Variants in ACAP1 observed in about 807,000 individuals in gnomAD.
The protein encoded by ACAP1 is arf-GAP with coiled-coil, ANK repeat and PH domain-containing protein 1.
In ACAP1, 45 loss-of-function variants were observed where a neutral mutation model predicts 98.8. The ratio of observed to expected loss-of-function variants is 0.46; its 90% CI spans 0.36 to 0.58. The LOEUF is 0.58. Ranked by LOEUF, ACAP1 falls within the 20% of genes least tolerant of loss-of-function variation. The pLI, the probability that ACAP1 is intolerant of heterozygous loss-of-function variation, is 0.00. For synonymous variants in ACAP1, 362 were observed against 375.3 expected (o/e 0.96, Z 0.41); for missense variants, 735 against 971.4 (o/e 0.76, Z 3.24).
At position 7,336,883 on chromosome 17, in the gene ACAP1, C is replaced by T. The variant is rs1597645963; in HGVS notation, c.53+96C>T. On this transcript the variant is annotated intron_variant, in intron 1 of 21. Transcript: ENST00000158762. The stretch of plus-strand genomic sequence containing the variant: ...CCAGGCCAGGTCTCCTTCCAGGGAG[C>T]AGGCCTCTAAGAGGCAGGAGCGAGC... 8 of 1,401,964 alleles carry T rather than the reference C, an allele frequency of 5.7e-6. 1 individual carries two copies. In the East Asian group the frequency reaches 1.9e-4, roughly 33 times the overall value. The allele number at this position is 1,401,964 out of a possible 1,614,324, so 86.8% of individuals were successfully genotyped here.
At chr17:7,336,995 T>C (rs2073226935) in intron 1 of ACAP1, among the ~76,000 whole-genome samples, 2 of 151,924 alleles carry the variant, frequency 1.3e-5, no homozygotes, top group Admixed American at 1.3e-4. Context: ...CTCTGCAGTT[T>C]CCCTCACCCC....
intron 17 of ACAP1, 199 bp downstream of exon 17, chr17:7,348,674 G>C: frequency 1.6e-6 from 1 of 626,408 alleles, no homozygotes; most frequent in South Asian, 2.6e-5. Flanking sequence ...GGCAGGGAGG[G>C]TAAGGGGTGC....
Position 7,350,016 on chromosome 17 carries a change from G to C in ACAP1, c.1923G>C (p.Arg641=). 2 of 1,613,558 alleles carry C rather than the reference G, an allele frequency of 1.2e-6. No individual in the cohort carries two copies. The highest frequency in any genetic ancestry group is 1.1e-5 in the South Asian group (1 of 91,064). The change falls in exon 19 of 22, where the codon CGG becomes CGC. Residue 641 remains arginine (R), a synonymous_variant. Transcript: ENST00000158762. This position sits in a 1 kb window ranked among gnomAD's most constrained non-coding sequence, Gnocchi z 4.6. Reference sequence around the variant, plus strand: ...TGAACCAAGCGGACAGTGCGGGCCGGGGCCCGCTGCACCACGCAACCATTC... The same window carrying C: ...TGAACCAAGCGGACAGTGCGGGCCGCGGCCCGCTGCACCACGCAACCATTC... ...ANVNQADSAG[R]GPLHHATILG...
At chr17:7,348,838 C>A in intron 17 of ACAP1, 157 bp from the exon 18 acceptor site, 1 of 699,036 alleles carries the variant, frequency 1.4e-6, no homozygotes, top group South Asian at 1.9e-5. Context: ...CGCATACTTA[C>A]ACATACCCAC....
chr17:7,339,566 C>T (rs1158004993), intron 2 of ACAP1, among the ~76,000 whole-genome samples: 4 of 151,868 alleles, frequency 2.6e-5, no homozygotes, highest in African/African-American at 7.3e-5. Context: ...GCCGAGATCA[C>T]GCCACCACAC....
rs756096201 is a variant in ACAP1 at position 7,349,038 on chromosome 17, ACTGTTTCGAGCGT to A, written c.1726_1738del (p.Phe576GlyfsTer32). 1 of 1,613,704 alleles carries A rather than the reference ACTGTTTCGAGCGT, an allele frequency of 6.2e-7. No homozygotes were observed. Among genetic ancestry groups the A allele is most frequent in the Non-Finnish European group, 8.5e-7 (1 of 1,179,934 alleles). On this transcript the variant is annotated frameshift_variant, in exon 18 of 22. Coordinates refer to ENST00000158762, the MANE Select transcript of ACAP1 (RefSeq NM_014716.4). LOFTEE classifies it high-confidence loss of function. ...TGGGAAGCCTGCACCCTGGGGCCCT[ACTGTTTCGAGCGT>A]CTGGGCATCCTCCATCTCTTCCCAC...
At chr17:7,339,195 CAGG>C (rs767018157) in intron 2 of ACAP1, among the ~76,000 whole-genome samples, 6 of 152,030 alleles carry the variant, frequency 3.9e-5, no homozygotes, top group East Asian at 1.9e-4. Context: ...GAGGCTGAGG[CAGG>C]AGAATGGCGC....
At chr17:7,346,585 C>T in intron 12 of ACAP1, 94 bp downstream of exon 12, 1 of 1,261,736 alleles carries the variant, frequency 7.9e-7, no homozygotes, top group South Asian at 1.4e-5. Flanking sequence ...CCCCATGCAG[C>T]TCCAGACTTT....
At position 7,344,466 on chromosome 17, in the gene ACAP1, G is replaced by A. The variant is rs920491883; in HGVS notation, c.745-73G>A. The A allele has an allele frequency of 2.1e-5, 23 of 1,073,186 alleles. No individual in the cohort carries two copies. The African/African-American group carries it at 2.9e-4, about 13-fold the overall frequency. The allele number at this position is 1,073,186 out of a possible 1,614,324, so 66.5% of individuals were successfully genotyped here. A position where few individuals can be genotyped will look rare whatever the true frequency, so the allele number is the denominator to read the frequency against. On this transcript the variant is annotated intron_variant, in intron 9 of 21. Coordinates refer to ENST00000158762, the MANE Select transcript of ACAP1 (RefSeq NM_014716.4). The surrounding 1 kb of genome is among the most constrained non-coding windows in gnomAD (Gnocchi z 4.9). The stretch of plus-strand genomic sequence containing the variant: ...AGCAGAAAGTAAGGGCTAGGGCTGT[G>A]GGCAGGAGGCAGATGCCTATGGCCT...
chr17:7,350,057 A>G lies in ACAP1; in HGVS notation c.1961+3A>G. 1 of 1,613,384 alleles carries G rather than the reference A, an allele frequency of 6.2e-7. No individual in the cohort carries two copies. ...GCAACCATTCTTGGCCACACGGGGT[A>G]GGGATGATGGCATGGGGAGGAAGGC... On this transcript the variant is annotated splice_donor_region_variant and intron_variant, in intron 19 of 21. Transcript: ENST00000158762. This position sits in a 1 kb window ranked among gnomAD's most constrained non-coding sequence, Gnocchi z 4.6.
At chr17:7,338,702 C>CT (rs1255414697) in intron 2 of ACAP1, among the ~76,000 whole-genome samples, 1 of 151,790 alleles carries the variant, frequency 6.6e-6, no homozygotes, top group Non-Finnish European at 1.5e-5. Context: ...CCACGCCTGG[C>CT]TTTTTTAAAT....
chr17:7,338,739 G>T (rs545202515), intron 2 of ACAP1, among the ~76,000 whole-genome samples: 1 of 150,380 alleles, frequency 6.6e-6, no homozygotes, highest in East Asian at 2.0e-4. Flanking sequence ...TAGAGATGGG[G>T]TCTCCCTATG....
intron 5 of ACAP1, chr17:7,342,729 A>G: frequency 1.9e-6 from 1 of 536,640 alleles, no homozygotes; most frequent in Non-Finnish European, 3.3e-6. Flanking sequence ...GCAAAACCCC[A>G]GCTCTACTAA....
chr17:7,343,646 A>G lies in ACAP1; in HGVS notation c.529-60A>G. 1 of 1,599,268 alleles carries G rather than the reference A, an allele frequency of 6.3e-7. No individual in the cohort carries two copies. Among genetic ancestry groups the G allele is most frequent in the Non-Finnish European group, 8.5e-7 (1 of 1,170,518 alleles). On this transcript the variant is annotated intron_variant, in intron 6 of 21. Transcript: ENST00000158762. This position sits in a 1 kb window ranked among gnomAD's most constrained non-coding sequence, Gnocchi z 4.9. ...TGGGGGTCTCCAGTGTGCAGTGGGAAGGGGTGCTGTGTCTTCAAGACTGAT... is the reference window on the plus strand; with the variant it reads ...TGGGGGTCTCCAGTGTGCAGTGGGAGGGGGTGCTGTGTCTTCAAGACTGAT...
chr17:7,336,598 G>A lies in ACAP1; in HGVS notation c.-137G>A. The A allele has an allele frequency of 1.2e-6, 1 of 840,960 alleles. No homozygotes were observed. The highest frequency in any genetic ancestry group is 1.4e-5 in the South Asian group (1 of 69,682). The allele number at this position is 840,960 out of a possible 1,614,324, so 52.1% of individuals were successfully genotyped here. Reference sequence around the variant, plus strand: ...CCTTTCCCCTTGGGGAAAGAATTGTGCCCCCAGGCCCTTCCCCGCGGAGGT... The same window carrying A: ...CCTTTCCCCTTGGGGAAAGAATTGTACCCCCAGGCCCTTCCCCGCGGAGGT... On this transcript the variant is annotated 5_prime_UTR_variant, in exon 1 of 22. Coordinates refer to ENST00000158762, the MANE Select transcript of ACAP1 (RefSeq NM_014716.4).
chr17:7,351,196 A>G, intron 21 of ACAP1, 99 bp from the exon 22 acceptor site: 1 of 1,181,400 alleles, frequency 8.5e-7, no homozygotes, highest in Non-Finnish European at 1.2e-6. Context: ...GTTCCCACCC[A>G]GGCTCGGAGC....
At chr17:7,337,113 T>A in intron 1 of ACAP1, 199 bp from the exon 2 acceptor site, 1 of 651,806 alleles carries the variant, frequency 1.5e-6, no homozygotes, top group Admixed American at 2.7e-5. Context: ...ACCCTCCTTC[T>A]ACCCTTCCTG....
In ACAP1 at chr17:7,343,630, C is replaced by G; in HGVS notation, c.528+68C>G. On this transcript the variant is annotated intron_variant, in intron 6 of 21. Coordinates refer to ENST00000158762, the MANE Select transcript of ACAP1 (RefSeq NM_014716.4). This position sits in a 1 kb window ranked among gnomAD's most constrained non-coding sequence, Gnocchi z 4.9. ...GTGTCACCTCGAGGCTTGGGGGTCT[C>G]CAGTGTGCAGTGGGAAGGGGTGCTG... is the stretch of plus-strand genomic sequence containing the variant. 1.3e-6 allele frequency: 2 copies of G among 1,596,194 alleles called. No individual in the cohort carries two copies. The highest frequency in any genetic ancestry group is 1.7e-6 in the Non-Finnish European group (2 of 1,168,846).
chr17:7,349,721 A>G (rs1289779136), intron 18 of ACAP1: 3 of 482,042 alleles, frequency 6.2e-6, no homozygotes, highest in African/African-American at 1.9e-5. Flanking sequence ...CTCATCTGTA[A>G]AATAGTAACA....
Sources: allele counts gnomAD v4.1 joint callset (sites outside exome capture counted in the v4.1 genomes callset), GRCh38; gene constraint gnomAD v4.1.1; non-coding constraint Gnocchi (gnomAD v3.1); transcripts MANE v1.5; gene names NCBI Gene and HGNC (gene_info 2026-07-23, HGNC 2026-07-21).